PTPRG: variants seen among roughly 807,000 people sequenced by gnomAD.
The protein encoded by PTPRG is receptor-type tyrosine-protein phosphatase gamma.
Under a neutral mutation model 165.3 loss-of-function variants are expected in PTPRG, and 102 were observed. That is an observed-to-expected ratio of 0.62 (90% CI 0.53 to 0.73). The LOEUF (loss-of-function observed/expected upper bound fraction) is 0.73, where lower values mean the gene tolerates loss of function less well. Among genes scored for constraint, PTPRG ranks in the 30% least tolerant of loss-of-function variants. The pLI, the probability that PTPRG is intolerant of heterozygous loss-of-function variation, is 0.00. For synonymous variants in PTPRG, 675 were observed against 669.5 expected (o/e 1.01, Z -0.13); for missense variants, 1,866 against 1,861.4 (o/e 1.00, Z -0.05).
At chr3:61,645,357 T>C (rs1217006074) in intron 1 of PTPRG, among the ~76,000 whole-genome samples, 1 of 152,256 alleles carries the variant, frequency 6.6e-6, no homozygotes, top group Non-Finnish European at 1.5e-5. Flanking sequence ...GGTTTTGGCC[T>C]TAACTGATAG....
rs1028368537 is a variant in PTPRG, at chr3:62,269,035, C to T, written c.2875C>T (p.Arg959Ter). The change falls in exon 20 of 30, where the codon CGA (arginine) becomes TGA (stop). Residue 959 changes from arginine (R) to a stop codon, truncating the protein, a stop_gained and splice_region_variant. Transcript: ENST00000474889. LOFTEE classifies it high-confidence loss of function. ...CTTTACAACTTTTTTCTTTCTGCAGCGAAAATGTGATCAGTATTGGCCAAC... is the reference window on the plus strand; with the variant it reads ...CTTTACAACTTTTTTCTTTCTGCAGTGAAAATGTGATCAGTATTGGCCAAC... ...MITNLVEKGR[R>*]KCDQYWPTEN... 2 of 1,540,378 alleles carry T rather than the reference C, an allele frequency of 1.3e-6. No homozygotes were observed. The highest frequency in any genetic ancestry group is 1.8e-6 in the Non-Finnish European group (2 of 1,134,470).
chr3:62,254,114 T>C lies in PTPRG; in HGVS notation c.2468-1010T>C, dbSNP rs949852719. ...GATTGTCAGGCCTGGATCTATAAAA[T>C]TCTTGCCAAAGTAGGACCTCATTTA... On this transcript the variant is annotated intron_variant, in intron 15 of 29. Coordinates refer to ENST00000474889, the MANE Select transcript of PTPRG (RefSeq NM_002841.4). This position sits in a 1 kb window ranked among gnomAD's most constrained non-coding sequence, Gnocchi z 4.6. Among the ~76,000 whole-genome samples the C allele has an allele frequency of 6.6e-6, 1 of 152,202 alleles. No homozygotes were observed. Among genetic ancestry groups the C allele is most frequent in the Non-Finnish European group, 1.5e-5 (1 of 68,022 alleles).
chr3:62,049,708 C>T (rs906983551), intron 4 of PTPRG, among the ~76,000 whole-genome samples: 2 of 152,092 alleles, frequency 1.3e-5, no homozygotes, highest in Non-Finnish European at 2.9e-5. Context: ...TAATATCTTA[C>T]GAGTTGTGCA....
At chr3:62,148,445 C>T (rs542572151) in intron 6 of PTPRG, among the ~76,000 whole-genome samples, 68 of 152,212 alleles carry the variant, frequency 4.5e-4, no homozygotes, top group Admixed American at 9.2e-4. Flanking sequence ...TGGCCAGTGT[C>T]AGGATTAGTT....
At chr3:61,934,015 G>C (rs570788767) in intron 2 of PTPRG, among the ~76,000 whole-genome samples, 1 of 152,164 alleles carries the variant, frequency 6.6e-6, no homozygotes, top group Non-Finnish European at 1.5e-5. Context: ...CTGTGTTTTC[G>C]TGTCTGAATA....
intron 1 of PTPRG, among the ~76,000 whole-genome samples, chr3:61,731,597 T>A (rs1438977008): frequency 2.0e-5 from 3 of 152,030 alleles, no homozygotes; most frequent in Non-Finnish European, 2.9e-5. Context: ...TCTGCCCACC[T>A]CGGCCTCCCA....
intron 1 of PTPRG, among the ~76,000 whole-genome samples, chr3:61,595,372 ACT>A (rs1212110780): frequency 5.9e-5 from 9 of 152,182 alleles, no homozygotes; most frequent in Non-Finnish European, 2.9e-5. Context: ...CTGAAGTAAG[ACT>A]CTGGGGACTC....
At chr3:62,134,727 G>A (rs1703641715) in intron 6 of PTPRG, among the ~76,000 whole-genome samples, 2 of 152,206 alleles carry the variant, frequency 1.3e-5, no homozygotes, top group Non-Finnish European at 2.9e-5. Context: ...TCAGTTTCCT[G>A]AGGGCAGAAA....
intron 2 of PTPRG, among the ~76,000 whole-genome samples, chr3:61,928,384 A>T (rs1357783669): frequency 6.6e-6 from 1 of 152,190 alleles, no homozygotes; most frequent in Non-Finnish European, 1.5e-5. Flanking sequence ...AAACCCTATC[A>T]CATTTTCCAA....
intron 1 of PTPRG, among the ~76,000 whole-genome samples, chr3:61,710,050 G>T (rs549587031): frequency 6.6e-6 from 1 of 152,324 alleles, no homozygotes; most frequent in Non-Finnish European, 1.5e-5. Flanking sequence ...GTTACTGTGA[G>T]AGTGTCTCAC....
chr3:61,632,893 A>T (rs1274515522), intron 1 of PTPRG, among the ~76,000 whole-genome samples: 1 of 152,160 alleles, frequency 6.6e-6, no homozygotes, highest in East Asian at 1.9e-4. Context: ...CACATGATCC[A>T]GCTTCTGTCT....
rs895609830 is a variant in PTPRG at position 62,132,625 on chromosome 3, A to C, written c.639A>C (p.Ala213=). Reference sequence around the variant, plus strand: ...AGGTCAGTCCGAGGGACAATTCTGCACTGGATCCTATTATCCACGGGTTGA... The same window carrying C: ...AGGTCAGTCCGAGGGACAATTCTGCCCTGGATCCTATTATCCACGGGTTGA... ...FFQVSPRDNS[A]LDPIIHGLKG... is the part of the protein sequence containing the mutation. Residue 213 remains alanine, a synonymous_variant, in exon 6 of 30, where the codon GCA becomes GCC. Coordinates refer to ENST00000474889, the MANE Select transcript of PTPRG (RefSeq NM_002841.4). 3.3e-5 allele frequency: 53 copies of C among 1,612,058 alleles called. No individual in the cohort carries two copies. The highest frequency in any genetic ancestry group is 4.3e-5 in the Non-Finnish European group (51 of 1,178,220).
chr3:62,090,009 C>G (rs981711368), intron 5 of PTPRG, among the ~76,000 whole-genome samples: 2 of 152,178 alleles, frequency 1.3e-5, no homozygotes, highest in African/African-American at 4.8e-5. Context: ...TGGGTATATT[C>G]ATTTAATATA....
chr3:61,858,765 T>C (rs1232191784), intron 2 of PTPRG, among the ~76,000 whole-genome samples: 1 of 152,210 alleles, frequency 6.6e-6, no homozygotes, highest in Non-Finnish European at 1.5e-5. Flanking sequence ...TTAAAAACTC[T>C]TAAACTTTTA....
chr3:61,570,164 T>A lies in PTPRG; in HGVS notation c.85+7792T>A, dbSNP rs1354080202. ...TACACTTGTGTGACACTTGAACACA[T>A]TGATGTCCTGTCTCTATATGTTCAT... On this transcript the variant is annotated intron_variant, in intron 1 of 29. Coordinates refer to ENST00000474889, the MANE Select transcript of PTPRG (RefSeq NM_002841.4). Among the ~76,000 whole-genome samples the A allele has an allele frequency of 2.0e-5, 3 of 152,180 alleles. No individual in the cohort carries two copies. In the East Asian group the frequency reaches 5.8e-4, roughly 29 times the overall value.
At chr3:61,564,998 G>A (rs1378476028) in intron 1 of PTPRG, among the ~76,000 whole-genome samples, 10 of 152,234 alleles carry the variant, frequency 6.6e-5, no homozygotes, top group Admixed American at 6.5e-4. Flanking sequence ...AAATGCTTCT[G>A]TTTTGGAGTA....
chr3:61,702,505 G>A (rs1274864439), intron 1 of PTPRG, among the ~76,000 whole-genome samples: 2 of 152,174 alleles, frequency 1.3e-5, no homozygotes, highest in African/African-American at 4.8e-5. Flanking sequence ...TTTAGTTTGA[G>A]TTAAAACGTT....
chr3:61,942,913 A>G (rs1222315834), intron 2 of PTPRG, among the ~76,000 whole-genome samples: 1 of 152,210 alleles, frequency 6.6e-6, no homozygotes, highest in Non-Finnish European at 1.5e-5. Context: ...AGTCTTTCTA[A>G]GTATTGTATG....
At chr3:61,638,377 C>T (rs1197332720) in intron 1 of PTPRG, among the ~76,000 whole-genome samples, 2 of 151,888 alleles carry the variant, frequency 1.3e-5, no homozygotes, top group African/African-American at 4.8e-5. Context: ...GGGGAAAGCA[C>T]CTTGCAAGAA....
Sources: gnomAD v4.1 joint callset for allele counts (sites outside exome capture counted in the v4.1 genomes callset) on GRCh38, gnomAD v4.1.1 for gene constraint, Gnocchi (gnomAD v3.1) non-coding constraint, MANE v1.5 for transcripts, NCBI Gene and HGNC (gene_info 2026-07-23, HGNC 2026-07-21) for gene names.